Variants in DRD3 observed in about 807,000 individuals in gnomAD.
DRD3 encodes the protein D(3) dopamine receptor.
Under a neutral mutation model 36.3 loss-of-function variants are expected in DRD3, and 19 were observed. The ratio of observed to expected loss-of-function variants is 0.52; its 90% CI spans 0.36 to 0.77. DRD3 has a LOEUF of 0.77. Ranked by LOEUF, DRD3 falls within the 30% of genes least tolerant of loss-of-function variation. DRD3 has a pLI of 0.00. For missense variants in DRD3, 465 were observed against 505.3 expected (o/e 0.92, Z 0.77); for synonymous variants, 195 against 203.7 (o/e 0.96, Z 0.36).
At chr3:114,193,063 A>C (rs1036555793) in intron 1 of DRD3, among the ~76,000 whole-genome samples, 37 of 152,000 alleles carry the variant, frequency 2.4e-4, no homozygotes, top group Middle Eastern at 3.4e-3. Flanking sequence ...GTAGATCACG[A>C]GGTCAGGAGA....
chr3:114,183,067 C>CAAAAA (rs1421520451), upstream of DRD3, among the ~76,000 whole-genome samples: 3 of 152,116 alleles, frequency 2.0e-5, no homozygotes, highest in Non-Finnish European at 4.4e-5. Context: ...GAGGTACTAC[C>CAAAAA]ATACTGTTTT....
At chr3:114,164,943 G>T (rs2107873776) in intron 2 of DRD3, among the ~76,000 whole-genome samples, 1 of 152,222 alleles carries the variant, frequency 6.6e-6, no homozygotes, top group African/African-American at 2.4e-5. Flanking sequence ...TAGAGACGGG[G>T]TTTCACCACA....
At chr3:114,198,988 A>G (rs7628806) in intron 1 of DRD3, among the ~76,000 whole-genome samples, 11 of 151,962 alleles carry the variant, frequency 7.2e-5, no homozygotes, top group Non-Finnish European at 1.3e-4. Context: ...CAAGGGATAC[A>G]CTCACTTCAA....
chr3:114,160,289 C>A (rs577150489), intron 2 of DRD3, among the ~76,000 whole-genome samples: 4 of 151,866 alleles, frequency 2.6e-5, no homozygotes, highest in Admixed American at 2.6e-4. Flanking sequence ...TCTTGTTGCC[C>A]AGGTTGGAGT....
At position 114,196,126 on chromosome 3, in the gene DRD3, T is replaced by G. The variant is rs553647575; in HGVS notation, c.-156+3147A>C. Among the ~76,000 whole-genome samples, 3 of 152,328 alleles carry G rather than the reference T, an allele frequency of 2.0e-5. No homozygotes were observed. The East Asian group carries it at 5.8e-4, about 29-fold the overall frequency. ...CGTAACATAGGAACTGTTTTTGTTG[T>G]TCACTTGGCCTAGTAATTTCCTATT... On this transcript the variant is annotated intron_variant, in intron 1 of 7. Coordinates refer to the DRD3 transcript ENST00000460779.
rs141625286 is a variant in DRD3 at position 114,149,910 on chromosome 3, C to T, written c.384-2353G>A. On this transcript the variant is annotated intron_variant, in intron 3 of 6. Coordinates refer to ENST00000383673, the MANE Select transcript of DRD3 (RefSeq NM_000796.6). ...CCTCAGGCTCCAGATGAGAACACAA[C>T]CCAGTCTACACCTTGATTTCAGCCC... 2.6e-5 allele frequency among the ~76,000 whole-genome samples: 4 copies of T among 152,318 alleles called. No individual in the cohort carries two copies. In the East Asian group the frequency reaches 7.7e-4, roughly 29 times the overall value.
chr3:114,169,792 G>T (rs1189007711), intron 2 of DRD3, among the ~76,000 whole-genome samples: 1 of 152,170 alleles, frequency 6.6e-6, no homozygotes, highest in African/African-American at 2.4e-5. Flanking sequence ...GTGTGGAAAA[G>T]TCACAATGTC....
At chr3:114,186,882 T>A (rs763249726) in intron 1 of DRD3, among the ~76,000 whole-genome samples, 2 of 152,174 alleles carry the variant, frequency 1.3e-5, no homozygotes. Flanking sequence ...CTTTTTTCCA[T>A]TGGCTTTTAG....
upstream of DRD3, among the ~76,000 whole-genome samples, chr3:114,182,975 G>A (rs1204562895): frequency 1.3e-5 from 2 of 152,134 alleles, no homozygotes; most frequent in African/African-American, 4.8e-5. Context: ...ATATCTTTTT[G>A]AGATCCTGTT....
chr3:114,162,708 AG>A (rs1348937295), intron 2 of DRD3, among the ~76,000 whole-genome samples: 2 of 152,352 alleles, frequency 1.3e-5, no homozygotes, highest in East Asian at 3.9e-4. Context: ...GGGCTAGTAC[AG>A]GGAGACAGAG....
chr3:114,154,103 C>T (rs2107856251), intron 3 of DRD3, among the ~76,000 whole-genome samples: 1 of 152,274 alleles, frequency 6.6e-6, no homozygotes, highest in South Asian at 2.1e-4. Context: ...TCTAGTCCCA[C>T]ACCTGTGCTA....
intron 3 of DRD3, among the ~76,000 whole-genome samples, chr3:114,157,772 C>T (rs1369343138): frequency 1.3e-5 from 2 of 152,078 alleles, no homozygotes; most frequent in Admixed American, 6.5e-5. Flanking sequence ...AACATGTCCA[C>T]AATGCTGAAA....
Position 114,128,015 on chromosome 3 carries a change from T to C in DRD3, c.*701A>G, listed in dbSNP as rs944086395. Among the ~76,000 whole-genome samples the C allele has an allele frequency of 1.3e-5, 2 of 152,218 alleles. No homozygotes were observed. The highest frequency in any genetic ancestry group is 2.9e-5 in the Non-Finnish European group (2 of 68,022). On this transcript the variant is annotated 3_prime_UTR_variant, in exon 7 of 7. Transcript: ENST00000383673. ...CCCCATCTTGAATGATTCTGGAAGTTGAGACTCTGAGATTTCCTCTAGAGA... is the reference window on the plus strand; with the variant it reads ...CCCCATCTTGAATGATTCTGGAAGTCGAGACTCTGAGATTTCCTCTAGAGA...
upstream of DRD3, among the ~76,000 whole-genome samples, chr3:114,181,691 A>G (rs2077948637): frequency 6.6e-6 from 1 of 152,198 alleles, no homozygotes; most frequent in Admixed American, 6.5e-5. Flanking sequence ...TATGTTTTCA[A>G]CTTGAAGTGG....
chr3:114,187,672 G>A (rs537855763), intron 1 of DRD3, among the ~76,000 whole-genome samples: 3 of 152,132 alleles, frequency 2.0e-5, no homozygotes, highest in African/African-American at 4.8e-5. Context: ...AGGGCATTTG[G>A]TATCACTAGA....
In DRD3 at chr3:114,171,849, G is replaced by C. The variant is rs756117429; in HGVS notation, c.144C>G (p.Gly48=). ...ALILAIVFGN[G]LVCMAVLKER... ...CCTTCAGCACAGCCATGCACACCAG[G>C]CCATTGCCGAAGACGATGGCCAGGA... The change falls in exon 2 of 7, where the codon GGC becomes GGG. Residue 48 remains glycine, a synonymous_variant. Transcript: ENST00000383673. 4 of 1,613,756 alleles carry C rather than the reference G, an allele frequency of 2.5e-6. No homozygotes were observed. Among genetic ancestry groups the C allele is most frequent in the Non-Finnish European group, 3.4e-6 (4 of 1,179,898 alleles).
intron 3 of DRD3, among the ~76,000 whole-genome samples, chr3:114,152,054 G>A (rs1226641583): frequency 2.0e-5 from 3 of 152,126 alleles, no homozygotes; most frequent in Non-Finnish European, 4.4e-5. Context: ...GTGCATTTTT[G>A]TTTCTTCTTT....
intron 2 of DRD3, among the ~76,000 whole-genome samples, chr3:114,167,551 C>T (rs1214064452): frequency 6.6e-6 from 1 of 152,144 alleles, no homozygotes; most frequent in Non-Finnish European, 1.5e-5. Flanking sequence ...ACTTATCTGC[C>T]AGGCTTGAGG....
Position 114,154,261 on chromosome 3 carries a change from A to T in DRD3, c.383+5494T>A, listed in dbSNP as rs118029749. 4.6e-5 allele frequency among the ~76,000 whole-genome samples: 7 copies of T among 152,234 alleles called. No homozygotes were observed. In the East Asian group the frequency reaches 1.4e-3, roughly 29 times the overall value. On this transcript the variant is annotated intron_variant, in intron 3 of 6. Coordinates refer to ENST00000383673, the MANE Select transcript of DRD3 (RefSeq NM_000796.6). ...GCAGGATCTATATGGTTGGTCACTT[A>T]CTGAAGGTCTCAGTACCTTGCAGAA...
Sources: allele counts gnomAD v4.1 joint callset (sites outside exome capture counted in the v4.1 genomes callset), GRCh38; gene constraint gnomAD v4.1.1; transcripts MANE v1.5; gene names NCBI Gene and HGNC (gene_info 2026-07-23, HGNC 2026-07-21).